Variants in ZNF276 observed in about 807,000 individuals in gnomAD.
The protein encoded by ZNF276 is centromere protein Z.
A neutral mutation model predicts 63.9 loss-of-function variants in ZNF276; 59 were observed. That is an observed-to-expected ratio of 0.92 (90% CI 0.75 to 1.15). The LOEUF is 1.15. ZNF276 is among the 50% of genes most tolerant of loss of function. The pLI, the probability that ZNF276 is intolerant of heterozygous loss-of-function variation, is 0.00. For missense variants in ZNF276, 1,084 were observed against 843.8 expected (o/e 1.28, Z -3.53); for synonymous variants, 496 against 348.4 (o/e 1.42, Z -4.72).
chr16:89,725,539 C>G (rs145685282), intron 4 of ZNF276, among the ~76,000 whole-genome samples: 10 of 151,416 alleles, frequency 6.6e-5, no homozygotes, highest in African/African-American at 2.4e-4. Flanking sequence ...CGCCTGTAAT[C>G]CCAGCACTCT....
At chr16:89,734,704 C>G (rs58404856) in intron 9 of ZNF276, among the ~76,000 whole-genome samples, 2 of 152,140 alleles carry the variant, frequency 1.3e-5, no homozygotes. Context: ...GCGGGAGGCA[C>G]GTGTGGTTCT....
At chr16:89,721,506 C>A (rs1443218757), upstream of ZNF276, 1 of 930,342 alleles carries the variant, frequency 1.1e-6, no homozygotes, top group East Asian at 3.4e-5. Context: ...CCCCGCCCGC[C>A]TCGCTTTGCT....
rs771486347 is a variant in ZNF276, at chr16:89,733,370, C to T, written c.1238C>T (p.Pro413Leu). ...KSEEPRIRKKPGPKPGWKKKL... is the reference protein window; with the variant it reads ...KSEEPRIRKKLGPKPGWKKKL... ...GAAGAACCAAGAATTCGGAAGAAGC[C>T]GGGACCCAAGCCCGGATGGAAGAAG... Residue 413 changes from proline to leucine, a missense_variant, in exon 7 of 11, where the codon CCG becomes CTG. Pro to Leu is a moderately conservative substitution (Grantham distance 98). Transcript: ENST00000443381. 15 of 1,613,996 alleles carry T rather than the reference C, an allele frequency of 9.3e-6. No homozygotes were observed. The highest frequency in any genetic ancestry group is 2.7e-5 in the African/African-American group (2 of 74,914).
At position 89,739,303 on chromosome 16, in the gene ZNF276, CAT is replaced by C. The variant is rs2062060996; in HGVS notation, c.*1059_*1060del. ...TAGGAGAGAAGACTAGAGGTAAAGA[CAT>C]AGTGACAAATGGCTACAGACTGCTG... On this transcript the variant is annotated 3_prime_UTR_variant, in exon 11 of 11. Transcript: ENST00000443381. 6 of 1,613,992 alleles carry C rather than the reference CAT, an allele frequency of 3.7e-6. No homozygotes were observed. The highest frequency in any genetic ancestry group is 4.2e-6 in the Non-Finnish European group (5 of 1,180,020).
At position 89,739,263 on chromosome 16, in the gene ZNF276, G is replaced by A. The variant is rs201886956; in HGVS notation, c.*1017G>A. The A allele has an allele frequency of 4.6e-5, 75 of 1,614,146 alleles. No homozygotes were observed. The highest frequency in any genetic ancestry group is 1.2e-4 in the Admixed American group (7 of 60,022). On this transcript the variant is annotated 3_prime_UTR_variant, in exon 11 of 11. Transcript: ENST00000443381. ...CAGGAAGGCCTCTTCCCTGATGGCC[G>A]CGTCTTCATGGAAGTAGGAGAGAAG...
intron 9 of ZNF276, among the ~76,000 whole-genome samples, chr16:89,737,209 T>A (rs2151705260): frequency 6.6e-6 from 1 of 152,250 alleles, no homozygotes; most frequent in East Asian, 1.9e-4. Flanking sequence ...CTATACAACC[T>A]TAGTGATACG....
intron 6 of ZNF276, 88 bp from the exon 7 acceptor site, chr16:89,733,213 GA>G: frequency 7.9e-7 from 1 of 1,268,178 alleles, no homozygotes; most frequent in Non-Finnish European, 1.1e-6. Flanking sequence ...GGAAGCTTCA[GA>G]AAAGACCATT....
chr16:89,720,746 C>A, upstream of ZNF276: 1 of 1,435,100 alleles, frequency 7.0e-7, no homozygotes, highest in Non-Finnish European at 9.2e-7. Flanking sequence ...CCAAGCCCCG[C>A]CCCCGCCCCG....
intron 9 of ZNF276, among the ~76,000 whole-genome samples, chr16:89,736,171 G>A (rs2061874371): frequency 6.6e-6 from 1 of 152,076 alleles, no homozygotes; most frequent in Non-Finnish European, 1.5e-5. Flanking sequence ...GATTATAAGC[G>A]TGAGCCATGA....
intron 5 of ZNF276, among the ~76,000 whole-genome samples, chr16:89,727,647 G>A (rs2061509156): frequency 6.6e-6 from 1 of 152,298 alleles, no homozygotes; most frequent in Non-Finnish European, 1.5e-5. Flanking sequence ...CTGGGTGCCA[G>A]AGAGCACTCC....
intron 4 of ZNF276, among the ~76,000 whole-genome samples, chr16:89,725,563 A>G (rs2061443194): frequency 6.6e-6 from 1 of 151,712 alleles, no homozygotes. Flanking sequence ...ATGCTGAGGT[A>G]GGCGGATCAC....
At chr16:89,734,422 T>TTCAA (rs1304491038) in intron 9 of ZNF276, among the ~76,000 whole-genome samples, 4 of 152,048 alleles carry the variant, frequency 2.6e-5, no homozygotes, top group Non-Finnish European at 5.9e-5. Flanking sequence ...GCCTCCCAGG[T>TTCAA]TCAATCAATT....
chr16:89,728,247 C>G (rs2061527929), intron 5 of ZNF276, among the ~76,000 whole-genome samples: 1 of 144,268 alleles, frequency 6.9e-6, no homozygotes, highest in Non-Finnish European at 1.5e-5. Flanking sequence ...TTTTTTTAGA[C>G]CGAGCCTTAC....
rs371280585 is a variant in ZNF276 at position 89,739,025 on chromosome 16, G to T, written c.*779G>T. On this transcript the variant is annotated 3_prime_UTR_variant, in exon 11 of 11. Coordinates refer to ENST00000443381, the MANE Select transcript of ZNF276 (RefSeq NM_001113525.2). ...AGGTTAGAAGACATACAGAAACAGGGCTGGTGTGTCCCCCATAGTCTGCAT... is the reference window on the plus strand; with the variant it reads ...AGGTTAGAAGACATACAGAAACAGGTCTGGTGTGTCCCCCATAGTCTGCAT... The T allele has an allele frequency of 4.8e-5, 78 of 1,614,000 alleles. No homozygotes were observed. The highest frequency in any genetic ancestry group is 7.6e-6 in the Non-Finnish European group (9 of 1,179,974).
chr16:89,728,858 A>G (rs1490707880), intron 5 of ZNF276, among the ~76,000 whole-genome samples: 1 of 152,144 alleles, frequency 6.6e-6, no homozygotes, highest in African/African-American at 2.4e-5. Context: ...CTTAGAAGTG[A>G]CTCATGGCAA....
At chr16:89,726,407 G>A (rs745773450) in intron 4 of ZNF276, among the ~76,000 whole-genome samples, 14 of 152,084 alleles carry the variant, frequency 9.2e-5, no homozygotes, top group Non-Finnish European at 1.5e-4. Context: ...ATGTTGGTAA[G>A]GCTGGTCTCG....
intron 6 of ZNF276, among the ~76,000 whole-genome samples, chr16:89,730,153 A>T (rs1225000642): frequency 6.6e-6 from 1 of 152,170 alleles, no homozygotes; most frequent in Non-Finnish European, 1.5e-5. Flanking sequence ...GGAGCAGTGG[A>T]GGAGGCCCGG....
At chr16:89,733,247 A>G (rs1169971980) in intron 6 of ZNF276, 55 bp from the exon 7 acceptor site, 5 of 1,525,218 alleles carry the variant, frequency 3.3e-6, no homozygotes, top group South Asian at 1.1e-5. Flanking sequence ...GAGACAAAAA[A>G]CATTTTGCAA....
At chr16:89,725,902 C>G (rs1306623331) in intron 4 of ZNF276, among the ~76,000 whole-genome samples, 1 of 152,190 alleles carries the variant, frequency 6.6e-6, no homozygotes, top group South Asian at 2.1e-4. Context: ...CTGCCTTGGC[C>G]TCCCAAAAGG....
Sources: allele counts gnomAD v4.1 joint callset (sites outside exome capture counted in the v4.1 genomes callset), GRCh38; gene constraint gnomAD v4.1.1; transcripts MANE v1.5; gene names NCBI Gene and HGNC (gene_info 2026-07-23, HGNC 2026-07-21).